The following PHF2 variants were observed in gnomAD, a reference collection of about 807,000 sequenced individuals.
The protein encoded by PHF2 is lysine-specific demethylase PHF2.
A neutral mutation model predicts 120.5 loss-of-function variants in PHF2; 27 were observed. The ratio of observed to expected loss-of-function variants is 0.22; its 90% CI spans 0.17 to 0.31. The LOEUF is 0.31. Ranked by LOEUF, PHF2 falls within the 10% of genes least tolerant of loss-of-function variation. The pLI is 1.00. For synonymous variants in PHF2, 568 were observed against 592.5 expected, an observed-to-expected ratio of 0.96 and a Z score of 0.60; for missense variants, 1,024 against 1,434.8, an observed-to-expected ratio of 0.71 and a Z score of 4.63.
At chr9:93,647,632 G>A (rs1296354211) in intron 4 of PHF2, among the ~76,000 whole-genome samples, 2 of 152,212 alleles carry the variant, frequency 1.3e-5, no homozygotes, top group East Asian at 3.9e-4. Context: ...GCTCACGCCT[G>A]TAATCCCAGC....
intron 5 of PHF2, among the ~76,000 whole-genome samples, chr9:93,651,098 T>A (rs866165787): frequency 2.2e-4 from 30 of 138,926 alleles, no homozygotes; most frequent in Non-Finnish European, 2.6e-4. Flanking sequence ...TTTTAAAAAT[T>A]AAAAAAAAAA....
intron 2 of PHF2, among the ~76,000 whole-genome samples, chr9:93,633,730 G>T (rs534522878): frequency 2.1e-4 from 32 of 152,284 alleles, no homozygotes; most frequent in Admixed American, 1.9e-3. Context: ...AGGTGTAGCC[G>T]GGGGCCCCTG....
At chr9:93,577,914 C>T (rs747288895) in intron 1 of PHF2, among the ~76,000 whole-genome samples, 2 of 152,192 alleles carry the variant, frequency 1.3e-5, no homozygotes, top group South Asian at 2.1e-4. Flanking sequence ...GTGTTTGGAC[C>T]CGGGGCTGGC....
At chr9:93,636,613 G>A in intron 3 of PHF2, 88 bp downstream of exon 3, 1 of 958,086 alleles carries the variant, frequency 1.0e-6, no homozygotes, top group Non-Finnish European at 1.6e-6. Flanking sequence ...ATTGCTGGGG[G>A]CTTCCTTTGC....
chr9:93,642,483 C>T (rs924755237), intron 3 of PHF2, among the ~76,000 whole-genome samples: 1 of 152,190 alleles, frequency 6.6e-6, no homozygotes, highest in Non-Finnish European at 1.5e-5. Context: ...CAATGACTGT[C>T]TTTATTCTTA....
chr9:93,675,404 T>C (rs73523942), intron 19 of PHF2, among the ~76,000 whole-genome samples: 1 of 152,224 alleles, frequency 6.6e-6, no homozygotes, highest in Non-Finnish European at 1.5e-5. Flanking sequence ...TGAGGCCTTG[T>C]CCACCTTCCA....
chr9:93,677,023 C>T lies in PHF2; in HGVS notation c.3202+60C>T. 1 of 1,441,516 alleles carries T rather than the reference C, an allele frequency of 6.9e-7. No individual in the cohort carries two copies. Among genetic ancestry groups the T allele is most frequent in the Non-Finnish European group, 9.2e-7 (1 of 1,084,386 alleles). The allele number at this position is 1,441,516 out of a possible 1,614,324, so 89.3% of individuals were successfully genotyped here. On this transcript the variant is annotated intron_variant, in intron 21 of 21. Transcript: ENST00000359246. This position sits in a 1 kb window ranked among gnomAD's most constrained non-coding sequence, Gnocchi z 4.4. Reference sequence around the variant, plus strand: ...CTGCCCTGCCTGCCCCCATGGGCAGCCCCAGACATGCAGACTCGGCCCATG... The same window carrying T: ...CTGCCCTGCCTGCCCCCATGGGCAGTCCCAGACATGCAGACTCGGCCCATG...
chr9:93,648,088 G>T (rs1344405975), intron 4 of PHF2, among the ~76,000 whole-genome samples: 1 of 150,168 alleles, frequency 6.7e-6, no homozygotes, highest in Admixed American at 6.6e-5. Context: ...ATTTGGCTGT[G>T]GAATCCAAAT....
intron 19 of PHF2, 101 bp from the exon 20 acceptor site, chr9:93,675,579 C>A: frequency 1.1e-6 from 1 of 882,906 alleles, no homozygotes; most frequent in Non-Finnish European, 1.8e-6. Context: ...GCCTGCCTGG[C>A]CAGGGGGACA....
At chr9:93,604,655 A>G (rs1825507021) in intron 1 of PHF2, among the ~76,000 whole-genome samples, 1 of 152,000 alleles carries the variant, frequency 6.6e-6, no homozygotes, top group African/African-American at 2.4e-5. Flanking sequence ...TAGTAGAGAC[A>G]GGGTTTCACT....
Position 93,679,027 on chromosome 9 carries a change from TTTG to T in PHF2, c.*1354_*1356del. On this transcript the variant is annotated 3_prime_UTR_variant, in exon 22 of 22. Coordinates refer to ENST00000359246, the MANE Select transcript of PHF2 (RefSeq NM_005392.4). ...GAATCTTCAACTTTAATACCAGCTCTTTGTTTTCCTTGTATGATGAGGGGATTG... is the reference window on the plus strand; with the variant it reads ...GAATCTTCAACTTTAATACCAGCTCTTTTTCCTTGTATGATGAGGGGATTG... The T allele has an allele frequency of 3.0e-6, 1 of 334,112 alleles. No individual in the cohort carries two copies. The highest frequency in any genetic ancestry group is 2.3e-5 in the South Asian group (1 of 43,714). The allele number at this position is 334,112 out of a possible 1,614,324, so 20.7% of individuals were successfully genotyped here.
At chr9:93,584,771 C>CA (rs1489858929) in intron 1 of PHF2, among the ~76,000 whole-genome samples, 2 of 152,076 alleles carry the variant, frequency 1.3e-5, no homozygotes, top group African/African-American at 4.8e-5. Context: ...TCCATTTCTG[C>CA]AAAAAAACCG....
intron 12 of PHF2, among the ~76,000 whole-genome samples, chr9:93,661,051 G>T (rs572197213): frequency 1.4e-4 from 21 of 152,186 alleles, no homozygotes; most frequent in Admixed American, 1.3e-4. Context: ...TGAGGTGTCT[G>T]TGCAGAAACA....
rs1483844066 is a variant in PHF2 at position 93,660,362 on chromosome 9, C to T, written c.1500C>T (p.Pro500=). The T allele has an allele frequency of 6.3e-7, 1 of 1,587,650 alleles. No individual in the cohort carries two copies. Among genetic ancestry groups the T allele is most frequent in the East Asian group, 2.3e-5 (1 of 43,764 alleles). Residue 500 remains proline, a synonymous_variant, in exon 12 of 22, where the codon CCC becomes CCT. Transcript: ENST00000359246. ...AGACTCCCAAAACTGTGAAGATGCC[C>T]AAGCCATCCAAAATCCCCAAGCCCC... ...KKKTPKTVKM[P]KPSKIPKPPK...
rs566341958 is a variant in PHF2, at chr9:93,675,687, C to T, written c.2730C>T (p.Val910=). The change falls in exon 20 of 22, where the codon GTC becomes GTT. Residue 910 remains valine, a synonymous_variant. Coordinates refer to ENST00000359246, the MANE Select transcript of PHF2 (RefSeq NM_005392.4). ...DDAPYSPTAR[V]GPSVPRQDRP... ...GGCCCTTCTTTTCCACAGCAAGGGTCGGCCCATCGGTGCCAAGACAGGACA... is the reference window on the plus strand; with the variant it reads ...GGCCCTTCTTTTCCACAGCAAGGGTTGGCCCATCGGTGCCAAGACAGGACA... 3.0e-5 allele frequency: 48 copies of T among 1,610,690 alleles called. No individual in the cohort carries two copies. Among genetic ancestry groups the T allele is most frequent in the Middle Eastern group, 1.7e-4 (1 of 6,044 alleles).
intron 2 of PHF2, among the ~76,000 whole-genome samples, chr9:93,635,788 A>T (rs1826079940): frequency 6.6e-6 from 1 of 152,070 alleles, no homozygotes; most frequent in Non-Finnish European, 1.5e-5. Context: ...AGGTGTGTGT[A>T]CCTCGTGCCC....
intron 1 of PHF2, among the ~76,000 whole-genome samples, chr9:93,605,521 C>G (rs1475108081): frequency 1.3e-5 from 2 of 152,226 alleles, no homozygotes; most frequent in Non-Finnish European, 2.9e-5. Flanking sequence ...CCCAGTACCC[C>G]CAAACCTCTG....
chr9:93,614,820 G>A (rs1049944040), intron 1 of PHF2, among the ~76,000 whole-genome samples: 2 of 152,112 alleles, frequency 1.3e-5, no homozygotes, highest in African/African-American at 2.4e-5. Flanking sequence ...TGATGGTGGT[G>A]GTAATGACGA....
At chr9:93,601,418 C>T (rs2254715) in intron 1 of PHF2, among the ~76,000 whole-genome samples, 125,045 of 152,172 alleles carry the variant, frequency 0.82, 51,886 homozygotes, top group East Asian at 0.94. Context: ...AGTTTGCAAA[C>T]AGGCTGTGGC....
Sources: allele counts gnomAD v4.1 joint callset (sites outside exome capture counted in the v4.1 genomes callset), GRCh38; gene constraint gnomAD v4.1.1; non-coding constraint Gnocchi (gnomAD v3.1); transcripts MANE v1.5; gene names NCBI Gene and HGNC (gene_info 2026-07-23, HGNC 2026-07-21).